Variants in SENP5 observed in about 807,000 individuals in gnomAD.
SENP5 encodes the protein sentrin-specific protease 5.
SENP5 carries 21 observed loss-of-function variants against 74.2 expected under a neutral mutation model. The ratio of observed to expected loss-of-function variants is 0.28; its 90% CI spans 0.20 to 0.41. The LOEUF is 0.41. Among genes scored for constraint, SENP5 ranks in the 10% least tolerant of loss-of-function variants. The pLI is 1.00. For missense variants in SENP5, 717 were observed against 889.1 expected (o/e 0.81, Z 2.46); for synonymous variants, 311 against 312.7 (o/e 0.99, Z 0.06).
chr3:196,909,245 A>T (rs1645491343), intron 6 of SENP5, among the ~76,000 whole-genome samples: 1 of 152,156 alleles, frequency 6.6e-6, no homozygotes, highest in Admixed American at 6.6e-5. Flanking sequence ...ACCAATAACA[A>T]ATTCTGAAAT....
At chr3:196,877,436 C>T (rs992365855) in intron 1 of SENP5, among the ~76,000 whole-genome samples, 4 of 152,136 alleles carry the variant, frequency 2.6e-5, no homozygotes, top group African/African-American at 7.2e-5. Flanking sequence ...CTGCCCTGCT[C>T]GACCTTCAAA....
At chr3:196,893,112 A>G (rs938364251) in intron 2 of SENP5, among the ~76,000 whole-genome samples, 3 of 152,202 alleles carry the variant, frequency 2.0e-5, no homozygotes, top group African/African-American at 4.8e-5. Flanking sequence ...AGGAACCTGT[A>G]TACTGTTTTC....
chr3:196,893,155 A>G (rs543669336), intron 2 of SENP5, among the ~76,000 whole-genome samples: 12 of 152,314 alleles, frequency 7.9e-5, no homozygotes, highest in African/African-American at 2.9e-4. Flanking sequence ...ATTCCCACCA[A>G]CAGTGTACAG....
chr3:196,912,950 A>C (rs1418737572), intron 6 of SENP5: 1 of 152,244 alleles, frequency 6.6e-6, no homozygotes, highest in East Asian at 1.9e-4. Context: ...AATATTAATC[A>C]TATTAATAGC....
At chr3:196,876,623 C>CAAAG (rs1276910110) in intron 1 of SENP5, among the ~76,000 whole-genome samples, 2 of 150,938 alleles carry the variant, frequency 1.3e-5, no homozygotes, top group Non-Finnish European at 2.9e-5. Context: ...GATGTGATGG[C>CAAAG]TCGTGTCTAT....
rs561251124 is a variant in SENP5, at chr3:196,868,256, A to C, written c.-32+183A>C. ...ACAGCCTCCCTTTCCGGGGGAGGCGAGCGAGCTCGTCCCGAGGGGCCGCTG... is the reference window on the plus strand; with the variant it reads ...ACAGCCTCCCTTTCCGGGGGAGGCGCGCGAGCTCGTCCCGAGGGGCCGCTG... On this transcript the variant is annotated intron_variant, in intron 1 of 9. Coordinates refer to ENST00000323460, the MANE Select transcript of SENP5 (RefSeq NM_152699.5). 2.4e-3 allele frequency among the ~76,000 whole-genome samples: 369 copies of C among 152,320 alleles called. 2 individuals carry two copies. The highest frequency in any genetic ancestry group is 8.6e-3 in the African/African-American group (357 of 41,584).
intron 6 of SENP5, among the ~76,000 whole-genome samples, chr3:196,912,214 C>CAT (rs1715163272): frequency 6.6e-6 from 1 of 152,178 alleles, no homozygotes; most frequent in Non-Finnish European, 1.5e-5. Context: ...GAATGTGGTA[C>CAT]ATACGCACCA....
In SENP5 at chr3:196,885,499, C is replaced by G. The variant is rs141895795; in HGVS notation, c.318C>G (p.Ser106=). ...VKRKDAKHFI[S]SSKTLLRLQA... ...GAAAGGACGCTAAACACTTCATTTC[C>G]TCCTCAAAGACTCTCCTGAGACTCC... The change falls in exon 2 of 10, where the codon TCC becomes TCG. Residue 106 remains serine (S), a synonymous_variant. Transcript: ENST00000323460. 1 of 1,614,110 alleles carries G rather than the reference C, an allele frequency of 6.2e-7. No individual in the cohort carries two copies. Among genetic ancestry groups the G allele is most frequent in the Non-Finnish European group, 8.5e-7 (1 of 1,180,020 alleles).
Position 196,931,160 on chromosome 3 carries a change from A to G in SENP5, c.*237A>G, listed in dbSNP as rs1716025358. The stretch of plus-strand genomic sequence containing the variant: ...TGGTTCTGTGCGTCCCCCATATTTA[A>G]TATTTATTATTCAAACGCATGCATA... On this transcript the variant is annotated 3_prime_UTR_variant, in exon 10 of 10. Coordinates refer to ENST00000323460, the MANE Select transcript of SENP5 (RefSeq NM_152699.5). The G allele has an allele frequency of 2.2e-6, 1 of 463,240 alleles. No individual in the cohort carries two copies. Among genetic ancestry groups the G allele is most frequent in the East Asian group, 3.8e-5 (1 of 26,186 alleles). The allele number at this position is 463,240 out of a possible 1,614,324, so 28.7% of individuals were successfully genotyped here.
intron 1 of SENP5, among the ~76,000 whole-genome samples, chr3:196,876,958 C>T (rs1470647065): frequency 4.6e-5 from 7 of 152,134 alleles, no homozygotes; most frequent in Non-Finnish European, 8.8e-5. Context: ...TTGTTGGGCA[C>T]TACAAAACCC....
chr3:196,869,573 C>A (rs965447455), intron 1 of SENP5, among the ~76,000 whole-genome samples: 2 of 151,126 alleles, frequency 1.3e-5, no homozygotes, highest in African/African-American at 4.8e-5. Flanking sequence ...TCAGCCTAAC[C>A]AACATGGTGA....
chr3:196,892,280 A>G (rs1714244226), intron 2 of SENP5, among the ~76,000 whole-genome samples: 1 of 152,026 alleles, frequency 6.6e-6, no homozygotes, highest in African/African-American at 2.4e-5. Flanking sequence ...AGTAGCCAGG[A>G]CCACAGAGGT....
intron 1 of SENP5, among the ~76,000 whole-genome samples, chr3:196,883,316 G>T (rs905784444): frequency 4.9e-4 from 74 of 151,966 alleles, no homozygotes; most frequent in Non-Finnish European, 9.1e-4. Flanking sequence ...CTATCTGTTG[G>T]TTTTTTCTCC....
At chr3:196,915,353 G>A (rs536247021) in intron 6 of SENP5, among the ~76,000 whole-genome samples, 3 of 152,262 alleles carry the variant, frequency 2.0e-5, no homozygotes, top group South Asian at 4.1e-4. Flanking sequence ...AGAATATTGT[G>A]TCTTGCAACT....
At chr3:196,914,586 A>AAAAAAAAATATATATATATAT in intron 6 of SENP5, 35 of 33,470 alleles carry the variant, frequency 1.0e-3, no homozygotes, top group South Asian at 3.3e-3. Flanking sequence ...AAAAAAAAAA[A>AAAAAAAAATATATATATATAT]ATATATATAT....
chr3:196,873,788 G>A (rs12107204), intron 1 of SENP5, among the ~76,000 whole-genome samples: 48,446 of 151,944 alleles, frequency 0.32, 8,595 homozygotes, highest in East Asian at 0.77. Context: ...GCAGTGAGCT[G>A]AGATGTGCCA....
chr3:196,867,975 C>G lies in SENP5; in HGVS notation c.-130C>G, dbSNP rs1285032259. On this transcript the variant is annotated 5_prime_UTR_variant, in exon 1 of 10. Coordinates refer to ENST00000323460, the MANE Select transcript of SENP5 (RefSeq NM_152699.5). Reference sequence around the variant, plus strand: ...AACAGGCCGGACGCCTCGTCGCTGGCGGGGCTTCCCTTGGAGCTGACGAAG... The same window carrying G: ...AACAGGCCGGACGCCTCGTCGCTGGGGGGGCTTCCCTTGGAGCTGACGAAG... 6.6e-6 allele frequency: 1 copy of G among 152,162 alleles called. No individual in the cohort carries two copies. The highest frequency in any genetic ancestry group is 1.5e-5 in the Non-Finnish European group (1 of 68,022). 9.4% of individuals were successfully genotyped at this position (152,162 alleles called of 1,614,324 possible). A position where few individuals can be genotyped will look rare whatever the true frequency, so the allele number is the denominator to read the frequency against.
At chr3:196,929,021 C>T (rs1267652723) in intron 8 of SENP5, among the ~76,000 whole-genome samples, 1 of 152,178 alleles carries the variant, frequency 6.6e-6, no homozygotes, top group African/African-American at 2.4e-5. Flanking sequence ...GAGACCTCAT[C>T]TCTACAAATA....
At position 196,932,030 on chromosome 3, in the gene SENP5, C is replaced by G. The variant is rs1716056235; in HGVS notation, c.*1107C>G. Reference sequence around the variant, plus strand: ...GACCTCAGTAACATGCAGGGTACGTCTGGCTTCTGCATGGCCAGTGCTGAC... The same window carrying G: ...GACCTCAGTAACATGCAGGGTACGTGTGGCTTCTGCATGGCCAGTGCTGAC... On this transcript the variant is annotated 3_prime_UTR_variant, in exon 10 of 10. Coordinates refer to ENST00000323460, the MANE Select transcript of SENP5 (RefSeq NM_152699.5). The G allele has an allele frequency of 2.7e-6, 1 of 376,386 alleles. No individual in the cohort carries two copies. The highest frequency in any genetic ancestry group is 9.1e-5 in the East Asian group (1 of 10,956). The allele number at this position is 376,386 out of a possible 1,614,324, so 23.3% of individuals were successfully genotyped here. A position where few individuals can be genotyped will look rare whatever the true frequency, so the allele number is the denominator to read the frequency against.
Sources: gnomAD v4.1 joint callset for allele counts (sites outside exome capture counted in the v4.1 genomes callset) on GRCh38, gnomAD v4.1.1 for gene constraint, MANE v1.5 for transcripts, NCBI Gene and HGNC (gene_info 2026-07-23, HGNC 2026-07-21) for gene names.